RTKN: variants seen among roughly 807,000 people sequenced by gnomAD.
RTKN encodes rhotekin.
In RTKN, 49 loss-of-function variants were observed where a neutral mutation model predicts 63.5. That is an observed-to-expected ratio of 0.77 (90% CI 0.61 to 0.98). The LOEUF is 0.98. RTKN is among the 50% of genes least tolerant of loss of function. The pLI is 0.00. For synonymous variants in RTKN, 295 were observed against 290.4 expected (o/e 1.02, Z -0.16); for missense variants, 685 against 740.8 (o/e 0.92, Z 0.87).
intron 1 of RTKN, among the ~76,000 whole-genome samples, chr2:74,434,002 T>C (rs1161049605): frequency 6.6e-6 from 1 of 152,204 alleles, no homozygotes; most frequent in Non-Finnish European, 1.5e-5. Context: ...ATGATATATA[T>C]ATATGTATGC....
chr2:74,428,793 C>T lies in RTKN; in HGVS notation c.850+55G>A, dbSNP rs572400561. The stretch of plus-strand genomic sequence containing the variant: ...GGGGAATGAGAAGGGGACCATCCCA[C>T]AGCCCCTCTTCTCACCATCACATGT... On this transcript the variant is annotated intron_variant, in intron 7 of 11. Coordinates refer to ENST00000272430, the MANE Select transcript of RTKN (RefSeq NM_001015055.2). The T allele has an allele frequency of 1.5e-4, 248 of 1,600,838 alleles. 1 individual carries two copies. The highest frequency in any genetic ancestry group is 1.0e-3 in the South Asian group (93 of 90,424).
chr2:74,433,400 T>C (rs1181459714), intron 1 of RTKN, among the ~76,000 whole-genome samples: 1 of 152,114 alleles, frequency 6.6e-6, no homozygotes, highest in Non-Finnish European at 1.5e-5. Context: ...TATCCTTTAA[T>C]TCAGCTATCC....
chr2:74,438,583 T>C (rs1273841115), intron 1 of RTKN, among the ~76,000 whole-genome samples: 2 of 152,264 alleles, frequency 1.3e-5, no homozygotes. Flanking sequence ...AGGTGCCTTA[T>C]CATGGCCTTC....
intron 5 of RTKN, 104 bp downstream of exon 5, chr2:74,430,148 C>A: frequency 6.7e-7 from 1 of 1,497,344 alleles, no homozygotes; most frequent in East Asian, 2.3e-5. Flanking sequence ...CCAGGTGCCC[C>A]TCCTCTCCAC....
chr2:74,432,538 G>A lies in RTKN; in HGVS notation c.240C>T (p.Ser80=), dbSNP rs905096052. The change falls in exon 2 of 12, where the codon AGC becomes AGT. Residue 80 remains serine, a synonymous_variant. Transcript: ENST00000272430. Reference sequence around the variant, plus strand: ...GCTCGCCCATGTAGCTGAGGATGCGGCTGTTGCACACTAGCAGGCTCTTGG... The same window carrying A: ...GCTCGCCCATGTAGCTGAGGATGCGACTGTTGCACACTAGCAGGCTCTTGG... ...EATKSLLVCN[S]RILSYMGELQ... The A allele has an allele frequency of 6.2e-7, 1 of 1,614,004 alleles. No homozygotes were observed. Among genetic ancestry groups the A allele is most frequent in the Non-Finnish European group, 8.5e-7 (1 of 1,180,038 alleles).
Position 74,426,501 on chromosome 2 carries a change from T to C in RTKN, c.1434A>G (p.Thr478=). 6.3e-7 allele frequency: 1 copy of C among 1,589,752 alleles called. No individual in the cohort carries two copies. Among genetic ancestry groups the C allele is most frequent in the South Asian group, 1.1e-5 (1 of 87,968 alleles). The change falls in exon 12 of 12, where the codon ACA becomes ACG. Residue 478 remains threonine (T), a synonymous_variant. Transcript: ENST00000272430. ...LTQREGARLE[T]PPPWLAMFTD... is the part of the protein sequence containing the mutation. ...TAAACATTGCCAGCCAGGGTGGGGG[T>C]GTCTCCAGCCTTGCGCCCTCCCGCT... is the stretch of plus-strand genomic sequence containing the variant.
chr2:74,440,749 C>T (rs1050216963), intron 1 of RTKN: 6 of 166,468 alleles, frequency 3.6e-5, no homozygotes, highest in Admixed American at 6.5e-5. Flanking sequence ...GGTCCACTAG[C>T]TTCTGAGTCA....
intron 1 of RTKN, chr2:74,440,287 CCCTAGGG>C: frequency 2.2e-6 from 2 of 904,560 alleles, no homozygotes; most frequent in Non-Finnish European, 2.6e-6. Flanking sequence ...AGCAGCCCAG[CCCTAGGG>C]CCACCCCTTC....
In RTKN at chr2:74,441,852, TC is replaced by T; in HGVS notation, c.-37del. 7.3e-7 allele frequency: 1 copy of T among 1,370,756 alleles called. No homozygotes were observed. The highest frequency in any genetic ancestry group is 1.0e-6 in the Non-Finnish European group (1 of 975,304). The allele number at this position is 1,370,756 out of a possible 1,614,324, so 84.9% of individuals were successfully genotyped here. The stretch of plus-strand genomic sequence containing the variant: ...CTGCGACTTTGCCTGCTCAGTGCGC[TC>T]CCCGCGCCGCCCGGCTTAGCCTCCT... On this transcript the variant is annotated 5_prime_UTR_variant, in exon 1 of 12. Coordinates refer to ENST00000272430, the MANE Select transcript of RTKN (RefSeq NM_001015055.2).
rs758853991 is a variant in RTKN at position 74,439,664 on chromosome 2, G to C, written c.111+2042C>G. 8 of 1,612,618 alleles carry C rather than the reference G, an allele frequency of 5.0e-6. No homozygotes were observed. The Admixed American group carries it at 1.3e-4, about 27-fold the overall frequency. On this transcript the variant is annotated intron_variant, in intron 1 of 11. Transcript: ENST00000272430. ...GCCCTTTCCCTTGTCAACCCCTCCA[G>C]AGGGGGGACAGATAGGTACCACACT...
intron 6 of RTKN, 33 bp downstream of exon 6, chr2:74,429,795 A>G (rs932615750): frequency 1.8e-5 from 28 of 1,591,988 alleles, no homozygotes; most frequent in Non-Finnish European, 2.4e-5. Flanking sequence ...GAATACAGGC[A>G]GCTGAGGGTG....
intron 1 of RTKN, chr2:74,440,704 G>A (rs1326191675): frequency 3.2e-6 from 1 of 314,142 alleles, no homozygotes; most frequent in Non-Finnish European, 4.6e-6. Context: ...AGTCGCTTGG[G>A]GGCAAGGGGA....
chr2:74,428,759 G>A lies in RTKN; in HGVS notation c.851-22C>T, dbSNP rs773765266. 3 of 1,610,594 alleles carry A rather than the reference G, an allele frequency of 1.9e-6. No homozygotes were observed. The South Asian group carries it at 3.3e-5, about 18-fold the overall frequency. ...TCCTCTGGGGGAGGAGGAAGTGCAG[G>A]GTGAGGTAGGGGAATGAGAAGGGGA... On this transcript the variant is annotated intron_variant, in intron 7 of 11. Coordinates refer to ENST00000272430, the MANE Select transcript of RTKN (RefSeq NM_001015055.2).
chr2:74,429,823 C>T lies in RTKN; in HGVS notation c.755+5G>A, dbSNP rs750459053. On this transcript the variant is annotated splice_donor_5th_base_variant and intron_variant, in intron 6 of 11. Transcript: ENST00000272430. ...TGAGGGTGGTGTCGGTGTGCAAGGC[C>T]TTACCCAACAACTGGGGTGGGGAGC... 11 of 1,613,088 alleles carry T rather than the reference C, an allele frequency of 6.8e-6. 1 individual carries two copies. The South Asian group carries it at 1.1e-4, about 16-fold the overall frequency.
At position 74,441,831 on chromosome 2, in the gene RTKN, G is replaced by A. The variant is rs1289919374; in HGVS notation, c.-15C>T. ...CGGGAGAACATGCTGGCGGCCCTGC[G>A]ACTTTGCCTGCTCAGTGCGCTCCCC... On this transcript the variant is annotated 5_prime_UTR_variant, in exon 1 of 12. Transcript: ENST00000272430. 7.7e-6 allele frequency: 12 copies of A among 1,556,598 alleles called. No individual in the cohort carries two copies. The African/African-American group carries it at 8.1e-5, about 10-fold the overall frequency.
intron 1 of RTKN, among the ~76,000 whole-genome samples, chr2:74,435,609 A>G (rs1362539702): frequency 6.6e-6 from 1 of 152,204 alleles, no homozygotes; most frequent in African/African-American, 2.4e-5. Flanking sequence ...CTTCTGGCTG[A>G]GGTGATCAAG....
chr2:74,429,355 C>T (rs1670606667), intron 6 of RTKN, among the ~76,000 whole-genome samples: 1 of 152,116 alleles, frequency 6.6e-6, no homozygotes, highest in African/African-American at 2.4e-5. Flanking sequence ...TGCGGTGTCT[C>T]CAGGTGCATT....
In RTKN at chr2:74,428,384, T is replaced by C; in HGVS notation, c.970A>G (p.Met324Val). The part of the protein sequence containing the change: ...GTLRVQQAGE[M>V]QNWAQVHGVL... ...CCATGCACTTGTGCCCAGTTCTGCA[T>C]CTCCCCAGCTTGCTGCACAAATGAC... The change falls in exon 9 of 12, where the codon ATG (methionine) becomes GTG (valine). Residue 324 changes from methionine (M) to valine (V), a missense_variant. By Grantham distance (21) the Met-to-Val change is conservative. Coordinates refer to ENST00000272430, the MANE Select transcript of RTKN (RefSeq NM_001015055.2). 3 of 1,614,144 alleles carry C rather than the reference T, an allele frequency of 1.9e-6. No homozygotes were observed. Among genetic ancestry groups the C allele is most frequent in the Non-Finnish European group, 2.5e-6 (3 of 1,180,018 alleles).
In RTKN at chr2:74,432,405, T is replaced by G. The variant is rs569444676; in HGVS notation, c.311+62A>C. On this transcript the variant is annotated intron_variant, in intron 2 of 11. Transcript: ENST00000272430. ...GTCCACATGCCACACACGCACATGC[T>G]GCACCACCACCACCCAGAAGGCCTC... The G allele has an allele frequency of 3.4e-6, 5 of 1,489,038 alleles. No individual in the cohort carries two copies. The East Asian group carries it at 1.1e-4, about 34-fold the overall frequency. The allele number at this position is 1,489,038 out of a possible 1,614,324, so 92.2% of individuals were successfully genotyped here. A position where few individuals can be genotyped will look rare whatever the true frequency, so the allele number is the denominator to read the frequency against.
Sources: gnomAD v4.1 joint callset for allele counts (sites outside exome capture counted in the v4.1 genomes callset) on GRCh38, gnomAD v4.1.1 for gene constraint, MANE v1.5 for transcripts, NCBI Gene and HGNC (gene_info 2026-07-23, HGNC 2026-07-21) for gene names.